Variants in CNTN4 observed in about 807,000 individuals in gnomAD.
CNTN4 encodes contactin-4.
Under a neutral mutation model 122.5 loss-of-function variants are expected in CNTN4, and 77 were observed. The observed-to-expected ratio is 0.63, with a 90% confidence interval of 0.52 to 0.76. CNTN4 has a LOEUF of 0.76. Among genes scored for constraint, CNTN4 ranks in the 30% least tolerant of loss-of-function variants. The probability of loss-of-function intolerance (pLI) is 0.00; values close to 1 mark genes in which losing one functional copy is unlikely to be tolerated. For synonymous variants in CNTN4, 512 were observed against 447.0 expected, an observed-to-expected ratio of 1.15 and a Z score of -1.83; for missense variants, 1,256 against 1,259.1, an observed-to-expected ratio of 1.00 and a Z score of 0.04.
intron 2 of CNTN4, among the ~76,000 whole-genome samples, chr3:2,134,290 A>T (rs2034583503): frequency 6.6e-6 from 1 of 152,212 alleles, no homozygotes; most frequent in Admixed American, 6.5e-5. Flanking sequence ...TTATTAAATC[A>T]GAATCTCCAG....
intron 7 of CNTN4, among the ~76,000 whole-genome samples, chr3:2,858,708 G>GAA (rs36049980): frequency 1.2e-4 from 17 of 136,172 alleles, no homozygotes; most frequent in Middle Eastern, 3.8e-3. Context: ...CCCTGTCTCA[G>GAA]AAAAAAAAAA....
Position 2,289,690 on chromosome 3 carries a change from G to A in CNTN4, c.-144-49488G>A, listed in dbSNP as rs552372377. 5.3e-5 allele frequency among the ~76,000 whole-genome samples: 8 copies of A among 152,050 alleles called. No individual in the cohort carries two copies. The East Asian group carries it at 1.4e-3, about 26-fold the overall frequency. On this transcript the variant is annotated intron_variant, in intron 2 of 24. Coordinates refer to ENST00000418658, the MANE Select transcript of CNTN4 (RefSeq NM_175607.3). ...AACCTTCAGTGCTTCCCGCTTCCCC[G>A]TATAAATATAAGAGAAAATAAGATA...
intron 2 of CNTN4, among the ~76,000 whole-genome samples, chr3:2,169,880 G>A (rs1215513075): frequency 6.6e-6 from 1 of 151,992 alleles, no homozygotes; most frequent in Non-Finnish European, 1.5e-5. Context: ...ATAAATAATG[G>A]GAAAGGACAA....
rs553088473 is a variant in CNTN4, at chr3:2,483,807, CT to C, written c.-88-87602del. Among the ~76,000 whole-genome samples the C allele has an allele frequency of 9.2e-5, 14 of 152,228 alleles. No homozygotes were observed. In the South Asian group the frequency reaches 2.7e-3, roughly 29 times the overall value. ...CATGTGGAACTGTAAGTCAATTAAA[CT>C]TTTTTTCTTTATAAAATACCCAGTC... On this transcript the variant is annotated intron_variant, in intron 3 of 24. Coordinates refer to ENST00000418658, the MANE Select transcript of CNTN4 (RefSeq NM_175607.3).
intron 3 of CNTN4, among the ~76,000 whole-genome samples, chr3:2,481,071 C>CTCTTTCTCTCTTTCTCTCTTTCTTTCTT: frequency 1.5e-4 from 5 of 34,332 alleles, no homozygotes; most frequent in African/African-American, 7.3e-4. Context: ...CTCTCTTTCT[C>CTCTTTCTCTCTTTCTCTCTTTCTTTCTT]TCTTTCTCTC....
intron 2 of CNTN4, among the ~76,000 whole-genome samples, chr3:2,307,915 G>A (rs1203753845): frequency 6.6e-6 from 1 of 152,032 alleles, no homozygotes; most frequent in Non-Finnish European, 1.5e-5. Flanking sequence ...TCTGGTTTGG[G>A]TATCATGGTA....
intron 6 of CNTN4, among the ~76,000 whole-genome samples, chr3:2,752,723 G>A (rs2090154421): frequency 6.6e-6 from 1 of 152,068 alleles, no homozygotes; most frequent in Non-Finnish European, 1.5e-5. Flanking sequence ...CTATCTAGCT[G>A]TAATTTTTTG....
chr3:2,815,594 T>A (rs1198988430), intron 6 of CNTN4, among the ~76,000 whole-genome samples: 4 of 152,058 alleles, frequency 2.6e-5, no homozygotes, highest in Non-Finnish European at 5.9e-5. Flanking sequence ...TAGATGTTGG[T>A]GTAGATGCAG....
At chr3:2,652,780 C>T (rs1029835038) in intron 4 of CNTN4, among the ~76,000 whole-genome samples, 9 of 151,620 alleles carry the variant, frequency 5.9e-5, no homozygotes, top group African/African-American at 1.7e-4. Context: ...TATTCTCCAT[C>T]GTAGACGTGT....
intron 2 of CNTN4, among the ~76,000 whole-genome samples, chr3:2,161,748 C>T (rs1448455563): frequency 1.3e-5 from 2 of 152,162 alleles, no homozygotes; most frequent in East Asian, 3.9e-4. Flanking sequence ...GTAGTAAGAA[C>T]ATCAAATACT....
Position 2,328,662 on chromosome 3 carries a change from T to TG in CNTN4, c.-144-10514dup, listed in dbSNP as rs1323136388. Reference sequence around the variant, plus strand: ...CAACCAACTGCGGATCAATAATGTTTGGAAAAAAAAAACAATAAAAAATAA... The same window carrying TG: ...CAACCAACTGCGGATCAATAATGTTTGGGAAAAAAAAAACAATAAAAAATAA... On this transcript the variant is annotated intron_variant, in intron 2 of 24. Coordinates refer to ENST00000418658, the MANE Select transcript of CNTN4 (RefSeq NM_175607.3). 5.2e-5 allele frequency among the ~76,000 whole-genome samples: 7 copies of TG among 134,966 alleles called. No homozygotes were observed. The South Asian group carries it at 7.3e-4, about 14-fold the overall frequency. The allele number at this position is 134,966 out of a possible 152,430, so 88.5% of individuals were successfully genotyped here. A position where few individuals can be genotyped will look rare whatever the true frequency, so the allele number is the denominator to read the frequency against.
At chr3:2,360,455 T>C (rs952845738) in intron 3 of CNTN4, among the ~76,000 whole-genome samples, 2 of 152,186 alleles carry the variant, frequency 1.3e-5, no homozygotes, top group African/African-American at 2.4e-5. Context: ...TTCTATAATA[T>C]GTTTGCCCAA....
At chr3:2,971,342 GTCTGTCTGTCTA>G (rs1311035869) in intron 13 of CNTN4, among the ~76,000 whole-genome samples, 6 of 125,514 alleles carry the variant, frequency 4.8e-5, no homozygotes, top group African/African-American at 2.8e-4. Flanking sequence ...ATATCTGTCT[GTCTGTCTGTCTA>G]TCTATCTATC....
intron 23 of CNTN4, among the ~76,000 whole-genome samples, chr3:3,049,745 A>G (rs540543075): frequency 1.3e-5 from 2 of 152,356 alleles, no homozygotes; most frequent in South Asian, 4.1e-4. Context: ...CCTCTCTGGG[A>G]ATGTCCCAAG....
At chr3:2,335,891 A>G (rs1333116953) in intron 2 of CNTN4, among the ~76,000 whole-genome samples, 1 of 152,178 alleles carries the variant, frequency 6.6e-6, no homozygotes, top group Non-Finnish European at 1.5e-5. Flanking sequence ...TATAATAACT[A>G]AGACTATACG....
intron 4 of CNTN4, among the ~76,000 whole-genome samples, chr3:2,602,604 G>A (rs1157829129): frequency 6.6e-6 from 1 of 152,106 alleles, no homozygotes; most frequent in Non-Finnish European, 1.5e-5. Flanking sequence ...ACAAACAACT[G>A]GAAGAACATT....
intron 2 of CNTN4, among the ~76,000 whole-genome samples, chr3:2,123,981 G>A (rs2033966542): frequency 6.6e-6 from 1 of 152,160 alleles, no homozygotes; most frequent in African/African-American, 2.4e-5. Context: ...TAAGATGTGG[G>A]ATAGTCAAAG....
intron 3 of CNTN4, among the ~76,000 whole-genome samples, chr3:2,518,284 A>G (rs957274632): frequency 4.6e-5 from 7 of 152,084 alleles, no homozygotes; most frequent in African/African-American, 1.7e-4. Flanking sequence ...CAAACCTTTA[A>G]TGTTCATCAA....
intron 3 of CNTN4, among the ~76,000 whole-genome samples, chr3:2,554,748 T>G (rs2149384347): frequency 6.6e-6 from 1 of 152,346 alleles, no homozygotes; most frequent in African/African-American, 2.4e-5. Flanking sequence ...GATGTTAGAC[T>G]TTCGGCCTTT....
Sources: gnomAD v4.1 joint callset for allele counts (sites outside exome capture counted in the v4.1 genomes callset) on GRCh38, gnomAD v4.1.1 for gene constraint, MANE v1.5 for transcripts, NCBI Gene and HGNC (gene_info 2026-07-23, HGNC 2026-07-21) for gene names.